The following NRXN1 variants were observed in gnomAD, a reference collection of about 807,000 sequenced individuals.
NRXN1 encodes the protein neurexin-1.
A neutral mutation model predicts 150.9 loss-of-function variants in NRXN1; 39 were observed. The ratio of observed to expected loss-of-function variants is 0.26; its 90% CI spans 0.20 to 0.34. NRXN1 has a LOEUF of 0.34. Among genes scored for constraint, NRXN1 ranks in the 10% least tolerant of loss-of-function variants. NRXN1 has a pLI of 1.00. For synonymous variants in NRXN1, 924 were observed against 757.0 expected (o/e 1.22, Z -3.62); for missense variants, 1,815 against 1,949.9 (o/e 0.93, Z 1.30).
At chr2:50,511,144 T>C (rs1191338080) in intron 12 of NRXN1, among the ~76,000 whole-genome samples, 1 of 152,002 alleles carries the variant, frequency 6.6e-6, no homozygotes, top group Admixed American at 6.6e-5. Context: ...CACTGCAACC[T>C]CTGCCTCCCA....
chr2:50,640,782 A>G (rs573886916), intron 5 of NRXN1, among the ~76,000 whole-genome samples: 2 of 152,164 alleles, frequency 1.3e-5, no homozygotes. Context: ...GTTGTTTTCA[A>G]TTTTTTCTAA....
chr2:50,455,014 T>C (rs1173082266), intron 17 of NRXN1, among the ~76,000 whole-genome samples: 19 of 152,124 alleles, frequency 1.2e-4, no homozygotes, highest in Admixed American at 1.2e-3. Context: ...GAGGGCATCA[T>C]TTAGCAGGGA....
At chr2:50,965,888 T>C (rs1041701525) in intron 2 of NRXN1, among the ~76,000 whole-genome samples, 1 of 151,494 alleles carries the variant, frequency 6.6e-6, no homozygotes, top group East Asian at 1.9e-4. Context: ...CTTACAAGAT[T>C]TTAGTTTTAT....
Position 50,538,276 on chromosome 2 carries a change from T to G in NRXN1, c.2120A>C (p.Tyr707Ser), listed in dbSNP as rs752073539. 1.2e-5 allele frequency: 20 copies of G among 1,612,370 alleles called. No individual in the cohort carries two copies. The highest frequency in any genetic ancestry group is 1.7e-5 in the Non-Finnish European group (20 of 1,178,668). Residue 707 changes from tyrosine (Y) to serine (S), a missense_variant, in exon 10 of 23, where the codon TAT becomes TCT. Tyr to Ser is a moderately radical substitution (Grantham distance 144). Coordinates refer to ENST00000401669, the MANE Select transcript of NRXN1 (RefSeq NM_001330078.2). ...ACCTCTCTCACAGGACCTGCCAAGA[T>G]AGCCTGTTCCGGAACAATCACAGAC... Reference protein sequence around the residue: ...RYVCDCSGTGYLGRSCEREAT... With the variant: ...RYVCDCSGTGSLGRSCEREAT...
Position 50,497,652 on chromosome 2 carries a change from C to T in NRXN1, c.2560G>A (p.Glu854Lys). ...GGGACAGAAGAAAGATACCGTCGTT[C>T]TGTGATGATGCCAGTCTCTATGTTA... ...FHNIETGIIT[E>K]RRYLSSVPSN... is the part of the protein sequence containing the mutation. The change falls in exon 14 of 23, where the codon GAA becomes AAA. Residue 854 changes from glutamate to lysine, a missense_variant. Glu to Lys is a moderately conservative substitution (Grantham distance 56). Transcript: ENST00000401669. 1 of 1,613,908 alleles carries T rather than the reference C, an allele frequency of 6.2e-7. No individual in the cohort carries two copies.
intron 18 of NRXN1, 60 bp from the exon 19 acceptor site, chr2:50,091,554 G>T: frequency 6.5e-7 from 1 of 1,534,940 alleles, no homozygotes. Flanking sequence ...ATTTAATAAA[G>T]ATTACATACA....
chr2:49,943,903 T>C, intron 21 of NRXN1, 112 bp from the exon 22 acceptor site: 2 of 792,376 alleles, frequency 2.5e-6, no homozygotes, highest in Non-Finnish European at 4.4e-6. Flanking sequence ...CCAAATTCAC[T>C]ATTTCCCTTT....
intron 17 of NRXN1, among the ~76,000 whole-genome samples, chr2:50,449,214 AG>A (rs1432668593): frequency 1.2e-4 from 19 of 152,264 alleles, no homozygotes; most frequent in Non-Finnish European, 2.8e-4. Context: ...GCATGCATTT[AG>A]CCTGCTAAAC....
chr2:50,180,236 G>C (rs1361321971), intron 18 of NRXN1, among the ~76,000 whole-genome samples: 2 of 151,916 alleles, frequency 1.3e-5, no homozygotes, highest in African/African-American at 4.8e-5. Context: ...TGCTGCCCAG[G>C]CTGGTCTTGA....
intron 17 of NRXN1, among the ~76,000 whole-genome samples, chr2:50,364,595 A>G (rs1007145552): frequency 2.0e-5 from 3 of 152,092 alleles, no homozygotes; most frequent in Admixed American, 6.6e-5. Context: ...CAGTTGTCCA[A>G]TTGAGACCTG....
intron 5 of NRXN1, among the ~76,000 whole-genome samples, chr2:50,915,572 G>T (rs1685104970): frequency 1.3e-5 from 2 of 151,370 alleles, no homozygotes; most frequent in African/African-American, 4.8e-5. Flanking sequence ...ATACTTTTTT[G>T]TACAAATGTT....
rs145261104 is a variant in NRXN1, at chr2:50,539,043, G to C, written c.1760-407C>G. Among the ~76,000 whole-genome samples the C allele has an allele frequency of 5.1e-3, 775 of 152,288 alleles. 2 individuals carry two copies. The highest frequency in any genetic ancestry group is 0.034 in the Middle Eastern group (10 of 294). On this transcript the variant is annotated intron_variant, in intron 9 of 22. Transcript: ENST00000401669. ...AATATTCAATTGCAATCCAAAGAAA[G>C]ATTTCATGTTCCTATTTTAACTGAC... is the stretch of plus-strand genomic sequence containing the variant.
chr2:50,566,966 T>G (rs933575540), intron 8 of NRXN1, among the ~76,000 whole-genome samples: 2 of 152,196 alleles, frequency 1.3e-5, no homozygotes, highest in African/African-American at 4.8e-5. Context: ...ATTAACTAGC[T>G]GTGGTTCTCT....
chr2:50,102,280 A>T (rs1701080866), intron 18 of NRXN1, among the ~76,000 whole-genome samples: 1 of 152,056 alleles, frequency 6.6e-6, no homozygotes, highest in African/African-American at 2.4e-5. Flanking sequence ...AGTGCCTTTT[A>T]GCTGCAGTGA....
intron 5 of NRXN1, among the ~76,000 whole-genome samples, chr2:50,860,151 A>C (rs1483699677): frequency 6.6e-6 from 1 of 151,898 alleles, no homozygotes; most frequent in East Asian, 1.9e-4. Context: ...TCAATCAATC[A>C]ACAATTATTT....
At chr2:50,220,036 A>AT (rs2063766039) in intron 18 of NRXN1, among the ~76,000 whole-genome samples, 2 of 124,414 alleles carry the variant, frequency 1.6e-5, no homozygotes, top group African/African-American at 6.5e-5. Context: ...TAAAGAAAAT[A>AT]TTCCTAAATA....
intron 17 of NRXN1, among the ~76,000 whole-genome samples, chr2:50,377,223 G>A (rs2080577529): frequency 6.6e-6 from 1 of 152,038 alleles, no homozygotes; most frequent in African/African-American, 2.4e-5. Flanking sequence ...CCACACATTA[G>A]CTATTTATCG....
chr2:50,821,561 T>C (rs922581330), intron 5 of NRXN1, among the ~76,000 whole-genome samples: 6 of 152,148 alleles, frequency 3.9e-5, no homozygotes, highest in African/African-American at 9.7e-5. Context: ...ATGCTTGACA[T>C]AGAATAAGCA....
chr2:50,793,359 G>A (rs1289605396), intron 5 of NRXN1, among the ~76,000 whole-genome samples: 1 of 152,052 alleles, frequency 6.6e-6, no homozygotes, highest in Non-Finnish European at 1.5e-5. Flanking sequence ...CATCAAAAAT[G>A]TATGAATATC....
Sources: gnomAD v4.1 joint callset for allele counts (sites outside exome capture counted in the v4.1 genomes callset) on GRCh38, gnomAD v4.1.1 for gene constraint, MANE v1.5 for transcripts, NCBI Gene and HGNC (gene_info 2026-07-23, HGNC 2026-07-21) for gene names.